Variants in MECOM observed in about 807,000 individuals in gnomAD.
MECOM encodes MDS1 and EVI1 complex locus.
MECOM carries 13 observed loss-of-function variants against 116.3 expected under a neutral mutation model. The ratio of observed to expected loss-of-function variants is 0.11; its 90% CI spans 0.07 to 0.18. The LOEUF (loss-of-function observed/expected upper bound fraction) is 0.18, where lower values mean the gene tolerates loss of function less well. MECOM is among the 10% of genes least tolerant of loss of function. MECOM has a pLI of 1.00. For synonymous variants in MECOM, 528 were observed against 535.2 expected (o/e 0.99, Z 0.19); for missense variants, 1,299 against 1,509.0 (o/e 0.86, Z 2.31).
intron 2 of MECOM, among the ~76,000 whole-genome samples, chr3:169,219,780 T>A (rs553609999): frequency 6.7e-6 from 1 of 149,710 alleles, no homozygotes; most frequent in South Asian, 2.1e-4. Flanking sequence ...TATATATATA[T>A]TATATACATT....
intron 2 of MECOM, among the ~76,000 whole-genome samples, chr3:169,307,000 C>CA (rs1717835516): frequency 6.6e-6 from 1 of 152,112 alleles, no homozygotes; most frequent in Non-Finnish European, 1.5e-5. Context: ...CACTTGATGC[C>CA]AACATTTGGG....
chr3:169,188,465 G>A (rs1381996128), intron 2 of MECOM, among the ~76,000 whole-genome samples: 3 of 152,060 alleles, frequency 2.0e-5, no homozygotes, highest in Admixed American at 2.0e-4. Flanking sequence ...GACCTTTTGT[G>A]TAGCTTTTTA....
intron 12 of MECOM, among the ~76,000 whole-genome samples, chr3:169,099,202 A>T (rs1156293312): frequency 6.6e-6 from 1 of 152,240 alleles, no homozygotes; most frequent in South Asian, 2.1e-4. Context: ...GGTTTAAAAA[A>T]ATATATATGC....
Position 169,239,907 on chromosome 3 carries a change from T to TG in MECOM, c.376-96076dup, listed in dbSNP as rs954911386. The stretch of plus-strand genomic sequence containing the variant: ...ATAAAAGGTTTGCTGGCTTTACTTA[T>TG]GCTTTAGTTGTAGAAGCTTTTTACT... On this transcript the variant is annotated intron_variant, in intron 2 of 16. Transcript: ENST00000651503. Among the ~76,000 whole-genome samples the TG allele has an allele frequency of 6.8e-4, 103 of 152,354 alleles. 1 individual carries two copies. Among genetic ancestry groups the TG allele is most frequent in the African/African-American group, 2.4e-3 (98 of 41,596 alleles).
At chr3:169,462,009 T>C (rs1747531260) in intron 1 of MECOM, among the ~76,000 whole-genome samples, 1 of 152,182 alleles carries the variant, frequency 6.6e-6, no homozygotes, top group East Asian at 1.9e-4. Flanking sequence ...CCAAATTCAC[T>C]ATCCAAATAT....
chr3:169,658,608 G>A (rs1464851560), intron 1 of MECOM, among the ~76,000 whole-genome samples: 1 of 152,196 alleles, frequency 6.6e-6, no homozygotes, highest in Non-Finnish European at 1.5e-5. Flanking sequence ...GCAGCCTGAG[G>A]AGCGAGGTGT....
intron 2 of MECOM, 92 bp downstream of exon 2, chr3:169,381,095 A>T: frequency 8.9e-7 from 1 of 1,127,880 alleles, no homozygotes; most frequent in Non-Finnish European, 1.3e-6. Flanking sequence ...ATATTGTAAC[A>T]AATATAATTT....
At chr3:169,396,852 A>C (rs1176645219) in intron 1 of MECOM, among the ~76,000 whole-genome samples, 1 of 152,172 alleles carries the variant, frequency 6.6e-6, no homozygotes, top group East Asian at 1.9e-4. Context: ...GCATGCCTGT[A>C]ATCTCAGCTA....
intron 12 of MECOM, among the ~76,000 whole-genome samples, chr3:169,097,845 G>A (rs1576886917): frequency 1.8e-5 from 1 of 55,806 alleles, no homozygotes. Flanking sequence ...AAAAAAGGTG[G>A]ATTCCACTGT....
chr3:169,263,618 C>T (rs532017531), intron 2 of MECOM, among the ~76,000 whole-genome samples: 9 of 151,810 alleles, frequency 5.9e-5, no homozygotes, highest in African/African-American at 1.9e-4. Flanking sequence ...TAATTCTAGG[C>T]CTCAATTAAT....
chr3:169,285,712 A>G (rs1713147143), intron 2 of MECOM, among the ~76,000 whole-genome samples: 2 of 152,210 alleles, frequency 1.3e-5, no homozygotes, highest in African/African-American at 4.8e-5. Flanking sequence ...TATCTTTATT[A>G]GATAGGCTGC....
At chr3:169,412,940 T>C (rs1258245038) in intron 1 of MECOM, among the ~76,000 whole-genome samples, 1 of 152,256 alleles carries the variant, frequency 6.6e-6, no homozygotes, top group East Asian at 1.9e-4. Context: ...CTTACTTTTG[T>C]GTTTTATTCA....
chr3:169,099,409 G>T (rs1403696396), intron 12 of MECOM, among the ~76,000 whole-genome samples: 1 of 152,084 alleles, frequency 6.6e-6, no homozygotes, highest in African/African-American at 2.4e-5. Flanking sequence ...AAACTTCCCA[G>T]TATTACATCT....
chr3:169,322,362 A>AT (rs1443078623), intron 2 of MECOM, among the ~76,000 whole-genome samples: 25 of 152,170 alleles, frequency 1.6e-4, no homozygotes, highest in African/African-American at 5.8e-4. Context: ...ATTTTATTTT[A>AT]TTCATTCACA....
chr3:169,437,613 A>G (rs778348166), intron 1 of MECOM, among the ~76,000 whole-genome samples: 6 of 152,146 alleles, frequency 3.9e-5, no homozygotes, highest in Admixed American at 2.0e-4. Context: ...TTCTTTATAT[A>G]TTTCCCTCTT....
chr3:169,213,692 T>G (rs1751074166), intron 2 of MECOM, among the ~76,000 whole-genome samples: 1 of 152,196 alleles, frequency 6.6e-6, no homozygotes, highest in Non-Finnish European at 1.5e-5. Context: ...GGCAAAGTTA[T>G]GTTTTGGTAC....
At chr3:169,647,686 T>A (rs1490701231) in intron 1 of MECOM, among the ~76,000 whole-genome samples, 2 of 152,018 alleles carry the variant, frequency 1.3e-5, no homozygotes, top group Non-Finnish European at 2.9e-5. Context: ...ATTTCTAGAG[T>A]TTCTAATAAG....
chr3:169,628,759 G>A (rs953221844), intron 1 of MECOM, among the ~76,000 whole-genome samples: 4 of 152,170 alleles, frequency 2.6e-5, no homozygotes, highest in African/African-American at 9.7e-5. Flanking sequence ...GAGTTCTCAA[G>A]AAGGAGCTCA....
intron 1 of MECOM, among the ~76,000 whole-genome samples, chr3:169,632,228 A>C (rs1318464527): frequency 6.6e-6 from 1 of 151,708 alleles, no homozygotes; most frequent in Non-Finnish European, 1.5e-5. Flanking sequence ...ATGTTTTTTC[A>C]AAATATGTTT....
Sources: allele counts gnomAD v4.1 joint callset (sites outside exome capture counted in the v4.1 genomes callset), GRCh38; gene constraint gnomAD v4.1.1; transcripts MANE v1.5; gene names NCBI Gene and HGNC (gene_info 2026-07-23, HGNC 2026-07-21).